PIK3C2G: variants seen among roughly 807,000 people sequenced by gnomAD.
PIK3C2G encodes the protein phosphatidylinositol-4-phosphate 3-kinase catalytic subunit type 2 gamma.
A neutral mutation model predicts 181.1 loss-of-function variants in PIK3C2G; 168 were observed. The observed-to-expected ratio is 0.93, with a 90% CI of 0.82 to 1.05. The LOEUF (loss-of-function observed/expected upper bound fraction) is 1.05. Ranked by LOEUF, PIK3C2G falls within the 50% of genes least tolerant of loss-of-function variation. The pLI is 0.00. For missense variants in PIK3C2G, 1,869 were observed against 1,732.8 expected (o/e 1.08, Z -1.40); for synonymous variants, 573 against 592.2 (o/e 0.97, Z 0.47).
chr12:18,507,124 G>T (rs2136126345), intron 24 of PIK3C2G, among the ~76,000 whole-genome samples: 1 of 151,988 alleles, frequency 6.6e-6, no homozygotes, highest in South Asian at 2.1e-4. Context: ...CTACCTCCTG[G>T]GTTCAAGCGA....
At chr12:18,688,045 C>A in the PIK3C2G span, 1 of 1,600,836 alleles carries the variant, frequency 6.2e-7, no homozygotes, top group South Asian at 1.1e-5. Context: ...AGCTTTCCAA[C>A]AAGAAGTCTA....
downstream of PIK3C2G, among the ~76,000 whole-genome samples, chr12:18,649,120 C>T (rs531697): frequency 0.17 from 25,519 of 152,000 alleles, 2,661 homozygotes; most frequent in African/African-American, 0.29. Context: ...TATTACTCTC[C>T]CTTTCTGCTA....
intron 31 of PIK3C2G, among the ~76,000 whole-genome samples, chr12:18,630,127 G>A (rs982357584): frequency 1.3e-5 from 2 of 152,010 alleles, no homozygotes; most frequent in African/African-American, 4.8e-5. Flanking sequence ...ATAAGATGAA[G>A]GGGGCCAGGT....
At chr12:18,507,630 T>A (rs933147189) in intron 24 of PIK3C2G, among the ~76,000 whole-genome samples, 2 of 152,036 alleles carry the variant, frequency 1.3e-5, no homozygotes, top group African/African-American at 4.8e-5. Flanking sequence ...CTGAACTCTA[T>A]CTACCTTTTT....
chr12:18,484,290 A>G (rs1410494378), intron 18 of PIK3C2G, among the ~76,000 whole-genome samples: 1 of 152,214 alleles, frequency 6.6e-6, no homozygotes, highest in Non-Finnish European at 1.5e-5. Flanking sequence ...CATCATGAAT[A>G]TATAACATTC....
At chr12:18,716,422 T>G in the PIK3C2G span, among the ~76,000 whole-genome samples, 3 of 152,242 alleles carry the variant, frequency 2.0e-5, no homozygotes, top group African/African-American at 7.2e-5. Flanking sequence ...TCAGTGATTA[T>G]GCAATGTCAT....
the PIK3C2G span, among the ~76,000 whole-genome samples, chr12:18,697,537 A>G: frequency 5.9e-5 from 9 of 152,130 alleles, no homozygotes; most frequent in African/African-American, 2.2e-4. Flanking sequence ...TCTGAGATTA[A>G]CCTTTAGAAA....
At chr12:18,669,872 C>T in the PIK3C2G span, among the ~76,000 whole-genome samples, 17 of 152,042 alleles carry the variant, frequency 1.1e-4, no homozygotes, top group African/African-American at 3.6e-4. Context: ...GGTTTCACCA[C>T]GTTGCTCAGG....
At chr12:18,721,278 T>C in the PIK3C2G span, among the ~76,000 whole-genome samples, 2 of 152,094 alleles carry the variant, frequency 1.3e-5, no homozygotes, top group Non-Finnish European at 2.9e-5. Flanking sequence ...ATTTGGTGCC[T>C]GTCACATACC....
chr12:18,650,200 C>T (rs1950357613), downstream of PIK3C2G, among the ~76,000 whole-genome samples: 1 of 151,786 alleles, frequency 6.6e-6, no homozygotes, highest in Admixed American at 6.6e-5. Flanking sequence ...TCTTTTCCCC[C>T]AGACCTGTTT....
chr12:18,325,207 A>G, intron 8 of PIK3C2G, 109 bp downstream of exon 8: 1 of 552,362 alleles, frequency 1.8e-6, no homozygotes, highest in South Asian at 2.5e-5. Context: ...AATAAAACAG[A>G]GGATCTACAC....
At chr12:18,255,633 A>T (rs1273794642) in intron 1 of PIK3C2G, among the ~76,000 whole-genome samples, 1 of 152,208 alleles carries the variant, frequency 6.6e-6, no homozygotes. Context: ...CAACTAGAAT[A>T]ATCAGGCATC....
chr12:18,607,532 CT>C (rs1370972519), intron 30 of PIK3C2G, among the ~76,000 whole-genome samples: 2 of 152,120 alleles, frequency 1.3e-5, no homozygotes, highest in African/African-American at 4.8e-5. Context: ...TTCCTTACAC[CT>C]TATACAAAAA....
chr12:18,713,178 T>C, the PIK3C2G span, among the ~76,000 whole-genome samples: 4 of 152,268 alleles, frequency 2.6e-5, no homozygotes, highest in East Asian at 7.7e-4. Context: ...AGACACATAC[T>C]ATCTGTGTAG....
the PIK3C2G span, among the ~76,000 whole-genome samples, chr12:18,695,438 A>G: frequency 6.6e-6 from 1 of 152,184 alleles, no homozygotes; most frequent in African/African-American, 2.4e-5. Context: ...GACATCAACT[A>G]TGTCATAAAT....
intron 18 of PIK3C2G, among the ~76,000 whole-genome samples, chr12:18,461,337 A>T (rs1947909828): frequency 6.6e-6 from 1 of 152,192 alleles, no homozygotes; most frequent in South Asian, 2.1e-4. Context: ...TTCAAACAAA[A>T]GTTGGACAAA....
intron 12 of PIK3C2G, among the ~76,000 whole-genome samples, chr12:18,369,743 A>C (rs2137863260): frequency 1.4e-5 from 1 of 71,124 alleles, no homozygotes. Flanking sequence ...ATGATCATAT[A>C]ACGGTCGTAT....
intron 18 of PIK3C2G, among the ~76,000 whole-genome samples, chr12:18,427,224 A>C (rs1054084096): frequency 6.6e-6 from 1 of 151,828 alleles, no homozygotes; most frequent in Non-Finnish European, 1.5e-5. Context: ...ACAATGTTTT[A>C]GGCGGGCGTG....
At chr12:18,437,978 A>G (rs1946537759) in intron 18 of PIK3C2G, among the ~76,000 whole-genome samples, 2 of 151,920 alleles carry the variant, frequency 1.3e-5, no homozygotes. Flanking sequence ...CACATAATAG[A>G]TAACGCTTGC....
Sources: gnomAD v4.1 joint callset for allele counts (sites outside exome capture counted in the v4.1 genomes callset) on GRCh38, gnomAD v4.1.1 for gene constraint, MANE v1.5 for transcripts, NCBI Gene and HGNC (gene_info 2026-07-23, HGNC 2026-07-21) for gene names.